ELFN1: variants seen among roughly 807,000 people sequenced by gnomAD.
ELFN1 encodes the protein protein ELFN1.
Under a neutral mutation model 7.6 loss-of-function variants are expected in ELFN1, and 6 were observed. That is an observed-to-expected ratio of 0.79 (90% CI 0.43 to 1.56). The LOEUF (loss-of-function observed/expected upper bound fraction) is 1.56, where lower values mean the gene tolerates loss of function less well. Among genes scored for constraint, ELFN1 ranks in the 40% most tolerant of loss-of-function variants. The pLI, the probability that ELFN1 is intolerant of heterozygous loss-of-function variation, is 0.01. For missense variants in ELFN1, 1,169 were observed against 1,232.2 expected (o/e 0.95, Z 0.77); for synonymous variants, 657 against 588.1 (o/e 1.12, Z -1.70).
chr7:1,672,654 A>T (rs895657377), intron 1 of ELFN1, among the ~76,000 whole-genome samples: 1 of 152,090 alleles, frequency 6.6e-6, no homozygotes, highest in African/African-American at 2.4e-5. Context: ...CTAGATTTTG[A>T]TAGAATTTTC....
chr7:1,743,906 A>G (rs1370300400), intron 3 of ELFN1, among the ~76,000 whole-genome samples: 2 of 152,190 alleles, frequency 1.3e-5, no homozygotes, highest in African/African-American at 4.8e-5. Context: ...TTTAGGTCCC[A>G]GTCCCCTGCC....
At chr7:1,733,431 GA>G (rs1335633253) in intron 3 of ELFN1, among the ~76,000 whole-genome samples, 1 of 152,146 alleles carries the variant, frequency 6.6e-6, no homozygotes, top group African/African-American at 2.4e-5. Context: ...GAGGCAGGAG[GA>G]GCCCTGGGCG....
In ELFN1 at chr7:1,746,560, A is replaced by G. The variant is rs1297951628; in HGVS notation, c.1964A>G (p.Glu655Gly). 9.5e-6 allele frequency: 13 copies of G among 1,362,852 alleles called. No homozygotes were observed. The highest frequency in any genetic ancestry group is 9.4e-6 in the Non-Finnish European group (10 of 1,064,552). 84.4% of individuals were successfully genotyped at this position (1,362,852 alleles called of 1,614,324 possible). ...SVRSPRAFRA[E>G]AVGVHKAAAA... The stretch of plus-strand genomic sequence containing the variant: ...CGCAGCCCCCGCGCCTTCCGAGCCG[A>G]GGCCGTCGGGGTGCACAAGGCCGCG... Residue 655 changes from glutamate to glycine, a missense_variant, in exon 4 of 4, where the codon GAG becomes GGG. Glu to Gly is a moderately conservative substitution (Grantham distance 98, BLOSUM62 -2). Transcript: ENST00000424383.
intron 1 of ELFN1, among the ~76,000 whole-genome samples, chr7:1,678,193 C>T (rs1386180852): frequency 6.6e-6 from 1 of 152,164 alleles, no homozygotes; most frequent in African/African-American, 2.4e-5. Flanking sequence ...CGTGCTCCCA[C>T]ACACACTGGG....
chr7:1,672,071 A>T (rs943711551), intron 1 of ELFN1, among the ~76,000 whole-genome samples: 2 of 152,164 alleles, frequency 1.3e-5, no homozygotes, highest in African/African-American at 2.4e-5. Context: ...CGGCCGCAGC[A>T]GGACTGCTGT....
intron 3 of ELFN1, among the ~76,000 whole-genome samples, chr7:1,719,595 G>A (rs1045641262): frequency 2.0e-5 from 3 of 151,754 alleles, no homozygotes; most frequent in Admixed American, 6.6e-5. Context: ...AGGAGGAGCC[G>A]AGTTTGGATG....
At chr7:1,691,398 T>C (rs563309460) in intron 2 of ELFN1, among the ~76,000 whole-genome samples, 16 of 152,210 alleles carry the variant, frequency 1.1e-4, no homozygotes, top group Non-Finnish European at 1.3e-4. Flanking sequence ...CAAGCATTGA[T>C]TGAGCACCAG....
chr7:1,731,717 T>C (rs1220433327), intron 3 of ELFN1, among the ~76,000 whole-genome samples: 1 of 152,176 alleles, frequency 6.6e-6, no homozygotes, highest in Non-Finnish European at 1.5e-5. Context: ...AGTGGTGCGA[T>C]CTCAGCTCAC....
rs1159365602 is a variant in ELFN1, at chr7:1,745,847, C to G, written c.1251C>G (p.His417Gln). Reference sequence around the variant, plus strand: ...TGCCCAGCCCCTCCACGGCCACCCACTACATCATGACCATCCTGGGCTGCC... The same window carrying G: ...TGCCCAGCCCCTCCACGGCCACCCAGTACATCATGACCATCCTGGGCTGCC... Reference protein sequence around the residue: ...GPVPSPSTATHYIMTILGCLF... With the variant: ...GPVPSPSTATQYIMTILGCLF... The change falls in exon 4 of 4, where the codon CAC (histidine) becomes CAG (glutamine). Residue 417 changes from histidine (H) to glutamine (Q), a missense_variant. His to Gln is a conservative substitution (Grantham distance 24). Transcript: ENST00000424383. 1.0e-5 allele frequency: 16 copies of G among 1,587,028 alleles called. No homozygotes were observed. In the African/African-American group the frequency reaches 1.8e-4, roughly 17 times the overall value.
Position 1,745,520 on chromosome 7 carries a change from G to C in ELFN1, c.924G>C (p.Thr308=), listed in dbSNP as rs746104771. The C allele has an allele frequency of 6.5e-7, 1 of 1,546,234 alleles. No individual in the cohort carries two copies. Among genetic ancestry groups the C allele is most frequent in the East Asian group, 2.4e-5 (1 of 40,924 alleles). Residue 308 remains threonine, a synonymous_variant, in exon 4 of 4, where the codon ACG becomes ACC. Coordinates refer to ENST00000424383, the MANE Select transcript of ELFN1 (RefSeq NM_001128636.4). ...CCACGCCACTGGTGGCCCTGCCCACGCTGGCCACGCAGGCCGAGGCCCGCC... is the reference window on the plus strand; with the variant it reads ...CCACGCCACTGGTGGCCCTGCCCACCCTGGCCACGCAGGCCGAGGCCCGCC... ...DGTTPLVALP[T]LATQAEARPL... is the part of the protein sequence containing the mutation.
intron 3 of ELFN1, among the ~76,000 whole-genome samples, chr7:1,717,743 C>T (rs976130209): frequency 2.6e-5 from 4 of 152,058 alleles, no homozygotes; most frequent in Non-Finnish European, 5.9e-5. Flanking sequence ...GTGGCGTCTC[C>T]AACACACGTG....
At chr7:1,684,589 T>A (rs1779029477) in intron 1 of ELFN1, among the ~76,000 whole-genome samples, 1 of 152,230 alleles carries the variant, frequency 6.6e-6, no homozygotes, top group Non-Finnish European at 1.5e-5. Context: ...CATGTGCCAT[T>A]TTAATTCCTC....
chr7:1,710,257 C>G (rs1201798391), intron 3 of ELFN1, among the ~76,000 whole-genome samples: 1 of 152,224 alleles, frequency 6.6e-6, no homozygotes, highest in Non-Finnish European at 1.5e-5. Flanking sequence ...TTCGGGTTCT[C>G]TCCTTCATTA....
chr7:1,688,512 A>G (rs932925341), intron 2 of ELFN1, among the ~76,000 whole-genome samples: 13 of 152,212 alleles, frequency 8.5e-5, no homozygotes, highest in African/African-American at 3.1e-4. Context: ...CTATGGCGTG[A>G]GATGTAAGGA....
rs537895443 is a variant in ELFN1 at position 1,740,683 on chromosome 7, C to T, written c.-293-3621C>T. Among the ~76,000 whole-genome samples, 38 of 152,256 alleles carry T rather than the reference C, an allele frequency of 2.5e-4. No homozygotes were observed. Among genetic ancestry groups the T allele is most frequent in the Admixed American group, 7.2e-4 (11 of 15,298 alleles). ...GGACTCCTGGACCCGGGCCACCCCC[C>T]GAACCCCTCCTAGCACAGCACCTGT... On this transcript the variant is annotated intron_variant, in intron 3 of 3. Transcript: ENST00000424383. This position sits in a 1 kb window ranked among gnomAD's most constrained non-coding sequence, Gnocchi z 5.0.
At chr7:1,712,538 T>C (rs973450022) in intron 3 of ELFN1, among the ~76,000 whole-genome samples, 3 of 152,022 alleles carry the variant, frequency 2.0e-5, no homozygotes, top group African/African-American at 7.2e-5. Context: ...TTCAAGTGAT[T>C]CTCCTTCCTC....
chr7:1,738,379 AC>A (rs35156503), intron 3 of ELFN1, among the ~76,000 whole-genome samples: 1 of 151,720 alleles, frequency 6.6e-6, no homozygotes, highest in African/African-American at 2.4e-5. Flanking sequence ...GGACCCCCTA[AC>A]CCCCTGCGGG....
intron 3 of ELFN1, among the ~76,000 whole-genome samples, chr7:1,712,236 T>C (rs1779678112): frequency 6.6e-6 from 1 of 152,154 alleles, no homozygotes; most frequent in African/African-American, 2.4e-5. Context: ...CAGGCTGGAG[T>C]GCAGTGGCCT....
At chr7:1,731,277 C>T (rs567249074) in intron 3 of ELFN1, among the ~76,000 whole-genome samples, 11 of 152,130 alleles carry the variant, frequency 7.2e-5, no homozygotes, top group Non-Finnish European at 1.3e-4. Context: ...GCGAGTTTTA[C>T]AAAGCGAGAT....
Sources: allele counts gnomAD v4.1 joint callset (sites outside exome capture counted in the v4.1 genomes callset), GRCh38; gene constraint gnomAD v4.1.1; non-coding constraint Gnocchi (gnomAD v3.1); transcripts MANE v1.5; gene names NCBI Gene and HGNC (gene_info 2026-07-23, HGNC 2026-07-21).